Variants in CLASP1 observed in about 807,000 individuals in gnomAD.
The protein encoded by CLASP1 is CLIP-associating protein 1.
Under a neutral mutation model 192.3 loss-of-function variants are expected in CLASP1, and 38 were observed. That is an observed-to-expected ratio of 0.20 (90% CI 0.15 to 0.26). The LOEUF is 0.26. CLASP1 is among the 10% of genes least tolerant of loss of function. The pLI is 1.00. For missense variants in CLASP1, 1,433 were observed against 1,932.5 expected, an observed-to-expected ratio of 0.74 and a Z score of 4.85; for synonymous variants, 691 against 712.8, an observed-to-expected ratio of 0.97 and a Z score of 0.49.
chr2:121,469,715 A>T, intron 9 of CLASP1, 93 bp downstream of exon 9: 1 of 1,267,112 alleles, frequency 7.9e-7, no homozygotes, highest in Non-Finnish European at 1.1e-6. Context: ...GGACTGTATC[A>T]CTTCTGAGGG....
chr2:121,594,009 A>C (rs77895170), intron 2 of CLASP1, among the ~76,000 whole-genome samples: 1 of 137,162 alleles, frequency 7.3e-6, no homozygotes, highest in Admixed American at 7.2e-5. Context: ...ACTCCGTCTC[A>C]AAAAAAAGGC....
At chr2:121,502,157 A>T (rs924892204) in intron 8 of CLASP1, among the ~76,000 whole-genome samples, 24 of 152,326 alleles carry the variant, frequency 1.6e-4, no homozygotes, top group African/African-American at 5.8e-4. Context: ...GGAACTGGCA[A>T]CAATAGACTA....
At chr2:121,466,534 C>A (rs2089626450) in intron 9 of CLASP1, among the ~76,000 whole-genome samples, 1 of 152,196 alleles carries the variant, frequency 6.6e-6, no homozygotes, top group Admixed American at 6.5e-5. Flanking sequence ...CTATCCCCAC[C>A]ACCACCAACT....
chr2:121,443,163 T>C (rs1175601427), intron 19 of CLASP1, among the ~76,000 whole-genome samples: 2 of 151,688 alleles, frequency 1.3e-5, no homozygotes, highest in African/African-American at 2.4e-5. Flanking sequence ...ATTGTCGGAG[T>C]CTGAGCTCTC....
Position 121,407,830 on chromosome 2 carries a change from C to T in CLASP1, c.2425-115G>A, listed in dbSNP as rs758112275. On this transcript the variant is annotated intron_variant, in intron 24 of 39. Transcript: ENST00000263710. ...AGAGTTAAGTGTAAAAAGACACATGCACACACACACTTTTCCTGTGCTTAT... is the reference window on the plus strand; with the variant it reads ...AGAGTTAAGTGTAAAAAGACACATGTACACACACACTTTTCCTGTGCTTAT... The T allele has an allele frequency of 1.1e-5, 12 of 1,140,754 alleles. No homozygotes were observed. In the African/African-American group the frequency reaches 1.4e-4, roughly 13 times the overall value. 70.7% of individuals were successfully genotyped at this position (1,140,754 alleles called of 1,614,324 possible).
intron 8 of CLASP1, among the ~76,000 whole-genome samples, chr2:121,478,839 ACACACACACCACACAC>A (rs2092160090): frequency 1.3e-5 from 1 of 75,264 alleles, no homozygotes; most frequent in African/African-American, 7.2e-5. Flanking sequence ...ACCACACACC[ACACACACACCACACAC>A]CACACCACAC....
At chr2:121,454,154 C>A (rs147758619) in intron 14 of CLASP1, among the ~76,000 whole-genome samples, 1 of 151,648 alleles carries the variant, frequency 6.6e-6, no homozygotes, top group Non-Finnish European at 1.5e-5. Flanking sequence ...CCCTGCCCAC[C>A]CCCCCCTCCA....
intron 2 of CLASP1, among the ~76,000 whole-genome samples, chr2:121,594,014 A>G (rs1451135909): frequency 1.6e-5 from 2 of 127,776 alleles, no homozygotes; most frequent in African/African-American, 6.1e-5. Context: ...GTCTCAAAAA[A>G]AAGGCCTGGC....
chr2:121,479,033 C>CA (rs2092346215), intron 8 of CLASP1, among the ~76,000 whole-genome samples: 2 of 59,016 alleles, frequency 3.4e-5, no homozygotes, highest in African/African-American at 1.7e-4. Flanking sequence ...CACACACACC[C>CA]CACACACACA....
chr2:121,462,121 TA>T (rs2088145895), intron 10 of CLASP1, among the ~76,000 whole-genome samples: 1 of 152,022 alleles, frequency 6.6e-6, no homozygotes, highest in African/African-American at 2.4e-5. Flanking sequence ...GTTAGGTACT[TA>T]AAGTGAAGCA....
rs2087102773 is a variant in CLASP1, at chr2:121,458,215, GACA to G, written c.1315-461_1315-459del. ...TCAAGAATATTCTGGATAGATTTTA[GACA>G]ACATCATCAAGCCTCAAAGTTTCAA... On this transcript the variant is annotated intron_variant, in intron 13 of 39. Coordinates refer to ENST00000263710, the Ensembl canonical transcript of CLASP1. 2.6e-5 allele frequency among the ~76,000 whole-genome samples: 4 copies of G among 152,304 alleles called. No homozygotes were observed. The East Asian group carries it at 7.7e-4, about 29-fold the overall frequency.
intron 14 of CLASP1, among the ~76,000 whole-genome samples, chr2:121,457,139 C>T (rs1440165591): frequency 6.6e-6 from 1 of 152,144 alleles, no homozygotes; most frequent in Non-Finnish European, 1.5e-5. Context: ...GCTAGTTACC[C>T]AGGTTGTATT....
At chr2:121,495,012 A>C (rs2093469233) in intron 8 of CLASP1, among the ~76,000 whole-genome samples, 1 of 150,164 alleles carries the variant, frequency 6.7e-6, no homozygotes, top group Admixed American at 6.7e-5. Context: ...ACAGAGCAAG[A>C]CTCCATCTAA....
chr2:121,442,072 G>A lies in CLASP1; in HGVS notation c.1912+5265C>T, dbSNP rs192182667. On this transcript the variant is annotated intron_variant, in intron 19 of 39. Transcript: ENST00000263710. Reference sequence around the variant, plus strand: ...ACAAACAATGGTTGTCAGCCCCACAGGCCATTCAAAGCACTGTAACTTTTC... The same window carrying A: ...ACAAACAATGGTTGTCAGCCCCACAAGCCATTCAAAGCACTGTAACTTTTC... Among the ~76,000 whole-genome samples, 306 of 152,200 alleles carry A rather than the reference G, an allele frequency of 2.0e-3. 1 individual carries two copies. The highest frequency in any genetic ancestry group is 7.1e-3 in the African/African-American group (293 of 41,528).
At chr2:121,347,209 A>G in intron 38 of CLASP1, 55 bp from the exon 40 acceptor site, 1 of 1,194,504 alleles carries the variant, frequency 8.4e-7, no homozygotes, top group Non-Finnish European at 1.2e-6. Flanking sequence ...TTCATTCCAT[A>G]GCCAACATCT....
At chr2:121,615,003 T>A (rs2066222150) in intron 1 of CLASP1, among the ~76,000 whole-genome samples, 1 of 152,226 alleles carries the variant, frequency 6.6e-6, no homozygotes, top group Non-Finnish European at 1.5e-5. Flanking sequence ...TAAACAAGAT[T>A]CAGCTTGAGC....
intron 37 of CLASP1, among the ~76,000 whole-genome samples, chr2:121,356,775 G>T (rs1010775263): frequency 6.6e-6 from 1 of 152,194 alleles, no homozygotes; most frequent in African/African-American, 2.4e-5. Context: ...TCCTTGCCTG[G>T]AAAAGGAGAT....
rs925984950 is a variant in CLASP1, at chr2:121,475,319, A to G, written c.713-5359T>C. 2.6e-5 allele frequency among the ~76,000 whole-genome samples: 4 copies of G among 152,370 alleles called. No individual in the cohort carries two copies. In the South Asian group the frequency reaches 8.3e-4, roughly 32 times the overall value. Reference sequence around the variant, plus strand: ...AACTTAACTAACATACTGTTTAAAAATAAGTTTAGCCTATGTTTCCTAGCT... The same window carrying G: ...AACTTAACTAACATACTGTTTAAAAGTAAGTTTAGCCTATGTTTCCTAGCT... On this transcript the variant is annotated intron_variant, in intron 8 of 39. Coordinates refer to ENST00000263710, the Ensembl canonical transcript of CLASP1.
intron 9 of CLASP1, among the ~76,000 whole-genome samples, chr2:121,464,635 T>A (rs1369093364): frequency 1.3e-5 from 2 of 152,356 alleles, no homozygotes; most frequent in East Asian, 3.9e-4. Context: ...TTTAGCTGCA[T>A]AAATGTCTTC....
Sources: allele counts gnomAD v4.1 joint callset (sites outside exome capture counted in the v4.1 genomes callset), GRCh38; gene constraint gnomAD v4.1.1; transcripts MANE v1.5; gene names NCBI Gene and HGNC (gene_info 2026-07-23, HGNC 2026-07-21).